PLS3: variants seen among roughly 807,000 people sequenced by gnomAD.
PLS3 encodes plastin 3, also known as plastin-3.
A neutral mutation model predicts 46.5 loss-of-function variants in PLS3; 11 were observed. That is an observed-to-expected ratio of 0.24 (90% CI 0.15 to 0.39). The LOEUF is 0.39. PLS3 is among the 10% of genes least tolerant of loss of function. PLS3 has a pLI of 1.00. For synonymous variants in PLS3, 167 were observed against 162.2 expected (o/e 1.03, Z -0.22); for missense variants, 308 against 461.8 (o/e 0.67, Z 3.05).
chrX:115,632,402 G>C (rs1291665974), intron 5 of PLS3, among the ~76,000 whole-genome samples: 19 of 110,714 alleles, frequency 1.7e-4, no homozygotes, highest in Non-Finnish European at 5.7e-5. Context: ...CGAGGCTGCA[G>C]TGATTCGAGC....
intron 1 of PLS3, among the ~76,000 whole-genome samples, chrX:115,566,010 G>T (rs1302029243): frequency 8.9e-6 from 1 of 112,110 alleles, no homozygotes; most frequent in Non-Finnish European, 1.9e-5. Flanking sequence ...ATTTTCTGTG[G>T]TCATATCTGG....
At chrX:115,644,094 T>C in intron 10 of PLS3, among the ~76,000 whole-genome samples, 1 of 111,732 alleles carries the variant, frequency 8.9e-6, no homozygotes, top group Non-Finnish European at 1.9e-5. Context: ...CAGGAAAAAG[T>C]GCACATATGC....
chrX:115,620,641 A>G (rs782127353), intron 2 of PLS3, among the ~76,000 whole-genome samples: 1 of 106,246 alleles, frequency 9.4e-6, no homozygotes, highest in Admixed American at 1.0e-4. Context: ...GCAATCAAAA[A>G]TGTCCCCTGG....
chrX:115,650,357 A>C lies in PLS3; in HGVS notation c.*796A>C. On this transcript the variant is annotated 3_prime_UTR_variant, in exon 16 of 16. Coordinates refer to ENST00000355899, the MANE Select transcript of PLS3 (RefSeq NM_005032.7). The stretch of plus-strand genomic sequence containing the variant: ...GGTTCAATACATGCTTATTTGTTTT[A>C]AAACCTGTATCATCAAACTCTCTCT... 1 of 112,157 alleles carries C rather than the reference A, an allele frequency of 8.9e-6. No individual in the cohort carries two copies. The highest frequency in any genetic ancestry group is 1.9e-5 in the Non-Finnish European group (1 of 53,202). The allele number at this position is 112,157 out of a possible 1,213,427, so 9.2% of individuals were successfully genotyped here. A position where few individuals can be genotyped will look rare whatever the true frequency, so the allele number is the denominator to read the frequency against.
intron 2 of PLS3, among the ~76,000 whole-genome samples, chrX:115,620,685 TTTTTCTTTTTTTTTTC>T (rs1179723694): frequency 1.9e-5 from 2 of 104,785 alleles, no homozygotes; most frequent in Non-Finnish European, 3.9e-5. Flanking sequence ...CCCTTATGCT[TTTTTCTTTTTTTTTTC>T]TTTTCTTTTT....
At chrX:115,595,690 T>TC (rs1335086286) in intron 1 of PLS3, among the ~76,000 whole-genome samples, 1 of 91,025 alleles carries the variant, frequency 1.1e-5, no homozygotes, top group African/African-American at 4.6e-5. Context: ...TTTCTTTCTT[T>TC]TTTTTTTTTT....
intron 1 of PLS3, among the ~76,000 whole-genome samples, chrX:115,567,696 T>C (rs2074185210): frequency 9.3e-6 from 1 of 106,972 alleles, no homozygotes; most frequent in African/African-American, 3.5e-5. Context: ...GGATTTTCTT[T>C]TCTTTTCTTC....
At chrX:115,597,753 G>A (rs1556634050) in intron 1 of PLS3, among the ~76,000 whole-genome samples, 1 of 111,495 alleles carries the variant, frequency 9.0e-6, no homozygotes, top group Non-Finnish European at 1.9e-5. Context: ...TGTTCCATCA[G>A]CCAGTTACTT....
At chrX:115,649,222 T>G (rs1418121541) in intron 15 of PLS3, among the ~76,000 whole-genome samples, 1 of 111,547 alleles carries the variant, frequency 9.0e-6, no homozygotes, top group East Asian at 2.8e-4. Flanking sequence ...TAGCCCCAAA[T>G]AATAGAGCTT....
intron 1 of PLS3, among the ~76,000 whole-genome samples, chrX:115,600,645 A>C (rs1403313220): frequency 5.3e-5 from 6 of 112,720 alleles, no homozygotes; most frequent in African/African-American, 1.9e-4. Context: ...TATGTAAAGA[A>C]GGTAGATAAA....
chrX:115,563,942 A>G (rs782299534), intron 1 of PLS3, among the ~76,000 whole-genome samples: 2 of 112,372 alleles, frequency 1.8e-5, no homozygotes, highest in Admixed American at 9.4e-5. Flanking sequence ...TTACCACTCA[A>G]CTAGGTTACA....
chrX:115,583,044 A>G (rs374424136), intron 1 of PLS3, among the ~76,000 whole-genome samples: 1 of 112,261 alleles, frequency 8.9e-6, no homozygotes, highest in South Asian at 3.7e-4. Flanking sequence ...TGTCTTTAAA[A>G]AAAAGAAAAG....
At chrX:115,564,223 T>A (rs904629945) in intron 1 of PLS3, among the ~76,000 whole-genome samples, 2 of 112,016 alleles carry the variant, frequency 1.8e-5, no homozygotes, top group Admixed American at 1.9e-4. Context: ...AATAAATAAA[T>A]AACACTTTGC....
At chrX:115,576,879 A>T (rs1177336009) in intron 1 of PLS3, among the ~76,000 whole-genome samples, 1 of 112,637 alleles carries the variant, frequency 8.9e-6, no homozygotes, top group Admixed American at 9.4e-5. Context: ...TGGCACACTA[A>T]CATAAATAAA....
chrX:115,611,781 A>G, intron 2 of PLS3, among the ~76,000 whole-genome samples: 1 of 111,888 alleles, frequency 8.9e-6, no homozygotes, highest in East Asian at 2.8e-4. Flanking sequence ...GACGAGTAAA[A>G]GAACTTCATT....
At chrX:115,596,237 A>G (rs1187230701) in intron 1 of PLS3, among the ~76,000 whole-genome samples, 1 of 111,914 alleles carries the variant, frequency 8.9e-6, no homozygotes, top group Non-Finnish European at 1.9e-5. Flanking sequence ...GCTTTCTCCA[A>G]TAGAGTATGT....
At chrX:115,635,905 G>T (rs1328772523) in intron 7 of PLS3, among the ~76,000 whole-genome samples, 3 of 108,441 alleles carry the variant, frequency 2.8e-5, no homozygotes, top group Non-Finnish European at 5.7e-5. Flanking sequence ...CAGGAGAATC[G>T]CTTGAACCTG....
chrX:115,606,155 C>CTTT (rs2074490104), intron 1 of PLS3, among the ~76,000 whole-genome samples: 1 of 42,690 alleles, frequency 2.3e-5, no homozygotes, highest in African/African-American at 9.7e-5. Context: ...TTTCTTTTTT[C>CTTT]TTTTCTTTTC....
At chrX:115,575,615 T>C (rs1556631096) in intron 1 of PLS3, among the ~76,000 whole-genome samples, 1 of 111,448 alleles carries the variant, frequency 9.0e-6, no homozygotes, top group Non-Finnish European at 1.9e-5. Flanking sequence ...GGCTAATTTT[T>C]TGTATTTTTA....
Sources: allele counts gnomAD v4.1 joint callset (sites outside exome capture counted in the v4.1 genomes callset), GRCh38; gene constraint gnomAD v4.1.1; transcripts MANE v1.5; gene names NCBI Gene and HGNC (gene_info 2026-07-23, HGNC 2026-07-21).